The following SPG11 variants were observed in gnomAD, a reference collection of about 807,000 sequenced individuals.
SPG11 encodes spatacsin.
A neutral mutation model predicts 274.0 loss-of-function variants in SPG11; 222 were observed. The observed-to-expected ratio is 0.81, with a 90% confidence interval of 0.73 to 0.91. The LOEUF (loss-of-function observed/expected upper bound fraction) is 0.91, where lower values mean the gene tolerates loss of function less well. Among genes scored for constraint, SPG11 ranks in the 40% least tolerant of loss-of-function variants. SPG11 has a pLI of 0.00. For synonymous variants in SPG11, 1,144 were observed against 1,039.7 expected (o/e 1.10, Z -1.93); for missense variants, 3,114 against 2,872.7 (o/e 1.08, Z -1.92).
At chr15:44,594,177 A>G (rs914293431) in intron 26 of SPG11, among the ~76,000 whole-genome samples, 1 of 151,414 alleles carries the variant, frequency 6.6e-6, no homozygotes, top group Non-Finnish European at 1.5e-5. Flanking sequence ...TGTAAATCCC[A>G]GCGCTTTGGG....
intron 7 of SPG11, among the ~76,000 whole-genome samples, chr15:44,645,853 C>T (rs1257743877): frequency 1.3e-5 from 2 of 152,056 alleles, no homozygotes; most frequent in Non-Finnish European, 2.9e-5. Context: ...AGAAGACATA[C>T]ACATAACCAA....
Position 44,606,276 on chromosome 15 carries a change from T to C in SPG11, c.3454-185A>G, listed in dbSNP as rs891323850. ...AATAGAATTATGACATATCTTTATATCTTAATTAAAACAGAACTGGCTATG... is the reference window on the plus strand; with the variant it reads ...AATAGAATTATGACATATCTTTATACCTTAATTAAAACAGAACTGGCTATG... On this transcript the variant is annotated intron_variant, in intron 19 of 39. Transcript: ENST00000261866. 4.5e-5 allele frequency: 25 copies of C among 552,228 alleles called. No individual in the cohort carries two copies. The South Asian group carries it at 5.1e-4, about 11-fold the overall frequency. The allele number at this position is 552,228 out of a possible 1,614,324, so 34.2% of individuals were successfully genotyped here. A position where few individuals can be genotyped will look rare whatever the true frequency, so the allele number is the denominator to read the frequency against.
At chr15:44,653,821 C>G (rs2084856949) in intron 4 of SPG11, among the ~76,000 whole-genome samples, 1 of 152,164 alleles carries the variant, frequency 6.6e-6, no homozygotes, top group Non-Finnish European at 1.5e-5. Context: ...CCTATACATA[C>G]AGTTGACCCT....
intron 7 of SPG11, among the ~76,000 whole-genome samples, chr15:44,648,244 T>C (rs1017392919): frequency 6.6e-6 from 1 of 152,162 alleles, no homozygotes; most frequent in Non-Finnish European, 1.5e-5. Context: ...CTGGGTGCAG[T>C]GGCTCACTCC....
intron 35 of SPG11, among the ~76,000 whole-genome samples, chr15:44,568,405 AAG>A (rs1330944871): frequency 2.6e-4 from 39 of 152,302 alleles, no homozygotes; most frequent in Admixed American, 2.0e-3. Context: ...CCCAATATTA[AAG>A]AGAGATTTTT....
At chr15:44,648,271 T>C (rs923583061) in intron 7 of SPG11, among the ~76,000 whole-genome samples, 11 of 152,104 alleles carry the variant, frequency 7.2e-5, no homozygotes, top group African/African-American at 2.7e-4. Context: ...CCCAGCACTC[T>C]AGGACACAGC....
At chr15:44,564,822 G>A (rs2082277185) in intron 38 of SPG11, 124 bp from the exon 39 acceptor site, 1 of 1,080,532 alleles carries the variant, frequency 9.3e-7, no homozygotes, top group South Asian at 1.4e-5. Context: ...TACCAATTAT[G>A]TTAAAAGGCT....
chr15:44,585,980 G>C, intron 28 of SPG11, 130 bp from the exon 29 acceptor site: 118 of 507,424 alleles, frequency 2.3e-4, no homozygotes, highest in East Asian at 3.5e-4. Context: ...AAAATAAAAA[G>C]CTGTTTTTTT....
rs1295077827 is a variant in SPG11 at position 44,608,618 on chromosome 15, A to C, written c.3292-13T>G. 2 of 1,612,930 alleles carry C rather than the reference A, an allele frequency of 1.2e-6. No homozygotes were observed. The highest frequency in any genetic ancestry group is 1.7e-6 in the Non-Finnish European group (2 of 1,179,596). On this transcript the variant is annotated splice_polypyrimidine_tract_variant and intron_variant, in intron 18 of 39. Coordinates refer to ENST00000261866, the MANE Select transcript of SPG11 (RefSeq NM_025137.4). ...CATTCTGAACAACCTAAGTAAAAAAACAGATAACAGGTTGGACAGTAGCAT... is the reference window on the plus strand; with the variant it reads ...CATTCTGAACAACCTAAGTAAAAAACCAGATAACAGGTTGGACAGTAGCAT...
intron 3 of SPG11, 71 bp downstream of exon 3, chr15:44,659,008 C>CTT (rs1229218272): frequency 3.4e-5 from 50 of 1,473,194 alleles, no homozygotes; most frequent in Non-Finnish European, 4.3e-5. Context: ...AAACTAAAGC[C>CTT]TAAAAAGGCT....
In SPG11 at chr15:44,656,858, C is replaced by T. The variant is rs117486440; in HGVS notation, c.869+237G>A. 3.8e-3 allele frequency among the ~76,000 whole-genome samples: 585 copies of T among 152,086 alleles called. 2 individuals carry two copies. The highest frequency in any genetic ancestry group is 5.6e-3 in the Non-Finnish European group (384 of 67,980). On this transcript the variant is annotated intron_variant, in intron 4 of 39. Coordinates refer to ENST00000261866, the MANE Select transcript of SPG11 (RefSeq NM_025137.4). Reference sequence around the variant, plus strand: ...GTAATTTTGATTTACATGACATAAACCATATATAAATCAAATCAAAATCAA... The same window carrying T: ...GTAATTTTGATTTACATGACATAAATCATATATAAATCAAATCAAAATCAA...
chr15:44,595,313 TA>T lies in SPG11; in HGVS notation c.4580del (p.Leu1527TyrfsTer2). 6.2e-7 allele frequency: 1 copy of T among 1,614,230 alleles called. No individual in the cohort carries two copies. The highest frequency in any genetic ancestry group is 8.5e-7 in the Non-Finnish European group (1 of 1,180,038). On this transcript the variant is annotated frameshift_variant, in exon 26 of 40. Transcript: ENST00000261866. LOFTEE classifies it high-confidence loss of function. The part of the protein sequence containing the change: ...LEDLSVIWRT[L>X]LTRQKSKTLI... ...GAGTTTTGCTCTTTTGTCTTGTTAA[TA>T]ATGTTCTCCAGATGACTGAAAGATC...
At chr15:44,574,816 G>T in intron 31 of SPG11, 86 bp downstream of exon 31, 1 of 1,501,440 alleles carries the variant, frequency 6.7e-7, no homozygotes, top group Non-Finnish European at 9.2e-7. Flanking sequence ...TCATCTAAAA[G>T]GCTGACTTGG....
At chr15:44,565,323 G>C (rs897864391) in intron 38 of SPG11, among the ~76,000 whole-genome samples, 3 of 152,180 alleles carry the variant, frequency 2.0e-5, no homozygotes, top group African/African-American at 7.2e-5. Flanking sequence ...AGGTTCCCTG[G>C]AGGACAATTT....
At chr15:44,607,772 TAGA>T (rs2083359206) in intron 19 of SPG11, among the ~76,000 whole-genome samples, 1 of 152,140 alleles carries the variant, frequency 6.6e-6, no homozygotes, top group African/African-American at 2.4e-5. Context: ...TTTTTCTGAG[TAGA>T]AGGTTTATAG....
rs556931633 is a variant in SPG11, at chr15:44,573,513, CAGAG to C, written c.6205+30_6205+33del. 1.6e-4 allele frequency: 250 copies of C among 1,611,004 alleles called. 1 individual carries two copies. Among genetic ancestry groups the C allele is most frequent in the African/African-American group, 9.7e-4 (73 of 74,992 alleles). ...AACACTGGGAACTAGAGAATGCTGT[CAGAG>C]AGGTTGGGAATCCCCGGGGGGTAGG... On this transcript the variant is annotated intron_variant, in intron 32 of 39. Coordinates refer to ENST00000261866, the MANE Select transcript of SPG11 (RefSeq NM_025137.4).
chr15:44,614,989 C>G (rs1382334591), intron 16 of SPG11, among the ~76,000 whole-genome samples: 1 of 152,140 alleles, frequency 6.6e-6, no homozygotes, highest in Non-Finnish European at 1.5e-5. Flanking sequence ...AAGTGAAATA[C>G]AGTTTGCTAT....
intron 18 of SPG11, among the ~76,000 whole-genome samples, chr15:44,610,070 T>G (rs978436770): frequency 1.3e-5 from 2 of 151,200 alleles, no homozygotes; most frequent in Admixed American, 1.3e-4. Flanking sequence ...GCCCGGCTAG[T>G]TTTTGTATTT....
At chr15:44,595,603 ACT>A in intron 25 of SPG11, 144 bp from the exon 26 acceptor site, 1 of 894,656 alleles carries the variant, frequency 1.1e-6, no homozygotes, top group Non-Finnish European at 1.8e-6. Flanking sequence ...CATGAAACAA[ACT>A]AATGAGCAAC....
Sources: gnomAD v4.1 joint callset for allele counts (sites outside exome capture counted in the v4.1 genomes callset) on GRCh38, gnomAD v4.1.1 for gene constraint, MANE v1.5 for transcripts, NCBI Gene and HGNC (gene_info 2026-07-23, HGNC 2026-07-21) for gene names.